DCC: variants seen among roughly 807,000 people sequenced by gnomAD.
DCC encodes netrin receptor DCC.
DCC carries 58 observed loss-of-function variants against 172.5 expected under a neutral mutation model. The ratio of observed to expected loss-of-function variants is 0.34; its 90% CI spans 0.27 to 0.42. The LOEUF (loss-of-function observed/expected upper bound fraction) is 0.42, where lower values mean the gene tolerates loss of function less well. Among genes scored for constraint, DCC ranks in the 10% least tolerant of loss-of-function variants. DCC has a pLI of 1.00. For synonymous variants in DCC, 709 were observed against 644.5 expected (o/e 1.10, Z -1.52); for missense variants, 1,740 against 1,791.0 (o/e 0.97, Z 0.51).
At chr18:52,689,764 T>C (rs1022578775) in intron 1 of DCC, among the ~76,000 whole-genome samples, 2 of 152,152 alleles carry the variant, frequency 1.3e-5, no homozygotes, top group Admixed American at 1.3e-4. Flanking sequence ...AAAAGACTCT[T>C]AATTTGGGGT....
chr18:52,472,496 T>C (rs1224176140), intron 1 of DCC, among the ~76,000 whole-genome samples: 5 of 140,142 alleles, frequency 3.6e-5, no homozygotes, highest in Non-Finnish European at 6.3e-5. Flanking sequence ...AGACTTACTC[T>C]GTGCTATTTT....
intron 17 of DCC, among the ~76,000 whole-genome samples, chr18:53,395,337 AAC>A: frequency 6.6e-6 from 1 of 152,198 alleles, no homozygotes; most frequent in Admixed American, 6.5e-5. Context: ...GTCAGTCTAG[AAC>A]ACAAAGACGA....
In DCC at chr18:53,445,993, C is replaced by T. The variant is rs181259513; in HGVS notation, c.3230-4507C>T. On this transcript the variant is annotated intron_variant, in intron 22 of 28. Transcript: ENST00000442544. The stretch of plus-strand genomic sequence containing the variant: ...ATATAATACATTGGGTGGACCTGGT[C>T]GTTCATGCCTGTAATCCCAGCACTT... Among the ~76,000 whole-genome samples the T allele has an allele frequency of 1.4e-3, 209 of 148,166 alleles. 2 individuals carry two copies. The highest frequency in any genetic ancestry group is 5.1e-3 in the African/African-American group (204 of 40,056).
intron 1 of DCC, among the ~76,000 whole-genome samples, chr18:52,454,749 A>G (rs1397820585): frequency 1.3e-5 from 2 of 152,148 alleles, no homozygotes; most frequent in East Asian, 1.9e-4. Context: ...TTTAGCTTTG[A>G]AGGTGACATT....
In DCC at chr18:53,486,941, G is replaced by A; in HGVS notation, c.3881G>A (p.Gly1294Glu). 1 of 1,614,182 alleles carries A rather than the reference G, an allele frequency of 6.2e-7. No homozygotes were observed. The highest frequency in any genetic ancestry group is 8.5e-7 in the Non-Finnish European group (1 of 1,180,050). The change falls in exon 26 of 29, where the codon GGA becomes GAA. Residue 1294 changes from glycine (G) to glutamate (E), a missense_variant. This residue lies in a region of DCC where 1,732 missense variants were observed against 1,767.4 expected (regional missense o/e 0.98). Transcript: ENST00000442544. ...ACACTCTCAGTGGACCGAGGTTTCG[G>A]AGCAGGAAGAAGTCAGTGTAATGCA... ...FPTLSVDRGF[G>E]AGRSQSVSEG... is the part of the protein sequence containing the mutation.
intron 1 of DCC, among the ~76,000 whole-genome samples, chr18:52,691,456 C>T (rs2035928911): frequency 1.3e-5 from 2 of 152,224 alleles, no homozygotes; most frequent in Non-Finnish European, 2.9e-5. Flanking sequence ...TAGGGCCACA[C>T]TCCTTCTGGA....
At chr18:52,445,253 C>CTTTTATTATTA (rs1555683007) in intron 1 of DCC, among the ~76,000 whole-genome samples, 1 of 151,994 alleles carries the variant, frequency 6.6e-6, no homozygotes, top group African/African-American at 2.4e-5. Context: ...GTAATAGCAA[C>CTTTTATTATTA]TAATAATAAT....
chr18:52,410,451 A>G (rs1360946556), intron 1 of DCC, among the ~76,000 whole-genome samples: 1 of 152,130 alleles, frequency 6.6e-6, no homozygotes, highest in Non-Finnish European at 1.5e-5. Flanking sequence ...ACAAAACAAC[A>G]ACAACAACTG....
chr18:52,609,568 A>G (rs1191873373), intron 1 of DCC, among the ~76,000 whole-genome samples: 1 of 152,024 alleles, frequency 6.6e-6, no homozygotes, highest in East Asian at 1.9e-4. Context: ...ACCTATAAGG[A>G]CCAACTTTTA....
At chr18:53,140,363 C>T (rs1376227850) in intron 7 of DCC, among the ~76,000 whole-genome samples, 1 of 152,176 alleles carries the variant, frequency 6.6e-6, no homozygotes, top group African/African-American at 2.4e-5. Flanking sequence ...CAGAAATTAT[C>T]TTGCCATATT....
At chr18:52,965,547 A>G (rs1467164137) in intron 5 of DCC, among the ~76,000 whole-genome samples, 1 of 152,228 alleles carries the variant, frequency 6.6e-6, no homozygotes, top group Non-Finnish European at 1.5e-5. Context: ...AATAGGGTTA[A>G]AACTATGGCA....
chr18:52,785,703 A>G (rs1311846595), intron 2 of DCC, among the ~76,000 whole-genome samples: 1 of 152,102 alleles, frequency 6.6e-6, no homozygotes, highest in Non-Finnish European at 1.5e-5. Context: ...AAATATTAAT[A>G]TAAAAGTAAC....
At chr18:53,349,196 G>T (rs2057759579) in intron 15 of DCC, among the ~76,000 whole-genome samples, 1 of 152,118 alleles carries the variant, frequency 6.6e-6, no homozygotes, top group African/African-American at 2.4e-5. Flanking sequence ...CCCTCAAGTT[G>T]AAAGTTCCAC....
intron 25 of DCC, among the ~76,000 whole-genome samples, chr18:53,484,182 A>G (rs2045874312): frequency 1.3e-5 from 2 of 151,454 alleles, no homozygotes; most frequent in Admixed American, 6.6e-5. Flanking sequence ...ATTTTCCTTC[A>G]ATTATGCTCT....
chr18:53,329,012 A>G (rs527343454), intron 14 of DCC, among the ~76,000 whole-genome samples: 1 of 152,322 alleles, frequency 6.6e-6, no homozygotes, highest in African/African-American at 2.4e-5. Flanking sequence ...GAGAGTGTAC[A>G]TTCAGTACAT....
chr18:53,519,840 TTTC>T (rs1238739506), intron 27 of DCC, among the ~76,000 whole-genome samples: 1 of 152,142 alleles, frequency 6.6e-6, no homozygotes, highest in African/African-American at 2.4e-5. Context: ...AATTCTATCA[TTTC>T]TTAACATTAA....
chr18:52,591,427 T>C (rs1025888408), intron 1 of DCC, among the ~76,000 whole-genome samples: 1 of 152,166 alleles, frequency 6.6e-6, no homozygotes, highest in Admixed American at 6.5e-5. Flanking sequence ...ACATAATTCT[T>C]ATGGGTTGCA....
chr18:52,888,001 G>A (rs1327583410), intron 2 of DCC, among the ~76,000 whole-genome samples: 2 of 152,180 alleles, frequency 1.3e-5, no homozygotes, highest in African/African-American at 4.8e-5. Flanking sequence ...CTTTCAATTA[G>A]TAAAATTAGC....
At position 53,186,324 on chromosome 18, in the gene DCC, T is replaced by C. The variant is rs559778048; in HGVS notation, c.1573+7208T>C. On this transcript the variant is annotated intron_variant, in intron 9 of 28. Coordinates refer to ENST00000442544, the MANE Select transcript of DCC (RefSeq NM_005215.4). ...GAGAAAGAGGTTCCCTAAGTAGATC[T>C]GATTTGGGTTTAATCGCCTAGTTTG... 7.0e-4 allele frequency among the ~76,000 whole-genome samples: 106 copies of C among 152,346 alleles called. 1 individual carries two copies. The highest frequency in any genetic ancestry group is 2.5e-3 in the Admixed American group (38 of 15,296).
Sources: gnomAD v4.1 joint callset for allele counts (sites outside exome capture counted in the v4.1 genomes callset) on GRCh38, gnomAD v4.1.1 for gene constraint, gnomAD v4.1.1 regional missense constraint, MANE v1.5 for transcripts, NCBI Gene and HGNC (gene_info 2026-07-23, HGNC 2026-07-21) for gene names.